Variants in CRYBG2 observed in about 807,000 individuals in gnomAD.
CRYBG2 encodes the protein crystallin beta-gamma domain containing 2.
CRYBG2 carries 106 observed loss-of-function variants against 153.4 expected under a neutral mutation model. The ratio of observed to expected loss-of-function variants is 0.69; its 90% confidence interval spans 0.59 to 0.81. The LOEUF (loss-of-function observed/expected upper bound fraction) is 0.81, where lower values mean the gene tolerates loss of function less well. CRYBG2 is among the 30% of genes least tolerant of loss of function. The pLI is 0.00. For synonymous variants in CRYBG2, 851 were observed against 877.8 expected, an observed-to-expected ratio of 0.97 and a Z score of 0.54; for missense variants, 1,996 against 2,112.0, an observed-to-expected ratio of 0.95 and a Z score of 1.08.
intron 4 of CRYBG2, 30 bp from the exon 5 acceptor site, chr1:26,342,913 A>T: frequency 1.2e-6 from 2 of 1,613,298 alleles, no homozygotes; most frequent in Non-Finnish European, 1.7e-6. Context: ...AGGATCACAG[A>T]TGGGGAGGAG....
At chr1:26,335,881 A>G (rs982783808) in intron 14 of CRYBG2, among the ~76,000 whole-genome samples, 12 of 152,248 alleles carry the variant, frequency 7.9e-5, no homozygotes, top group Non-Finnish European at 1.5e-4. Context: ...AAAATTTAAA[A>G]GAGCACACGG....
chr1:26,346,721 G>C lies in CRYBG2; in HGVS notation c.-55-9C>G. 1 of 1,443,230 alleles carries C rather than the reference G, an allele frequency of 6.9e-7. No individual in the cohort carries two copies. 89.4% of individuals were successfully genotyped at this position (1,443,230 alleles called of 1,614,324 possible). A position where few individuals can be genotyped will look rare whatever the true frequency, so the allele number is the denominator to read the frequency against. On this transcript the variant is annotated splice_polypyrimidine_tract_variant and intron_variant, in intron 1 of 19. Transcript: ENST00000308182. The surrounding 1 kb of genome is among the most constrained non-coding windows in gnomAD (Gnocchi z 4.9). ...CACTGTGGTCCAGCTCCCTGCAGAG[G>C]AATAAGAAAGATGAGGGTCAGAGGG...
chr1:26,345,523 G>A lies in CRYBG2; in HGVS notation c.1135C>T (p.Pro379Ser). The A allele has an allele frequency of 6.3e-7, 1 of 1,599,092 alleles. No homozygotes were observed. The highest frequency in any genetic ancestry group is 8.5e-7 in the Non-Finnish European group (1 of 1,171,482). Reference sequence around the variant, plus strand: ...ACAAGGGGAGTGAGCCGGGCCCCGGGGTGAGTGGGCACCACAGGCTGCTTT... The same window carrying A: ...ACAAGGGGAGTGAGCCGGGCCCCGGAGTGAGTGGGCACCACAGGCTGCTTT... ...PAKQPVVPTH[P>S]GARLTPLVLP... The change falls in exon 2 of 20, where the codon CCC becomes TCC. Residue 379 changes from proline to serine, a missense_variant. By Grantham distance (74) the Pro-to-Ser change is moderately conservative. Transcript: ENST00000308182.
In CRYBG2 at chr1:26,328,481, C is replaced by T. The variant is rs1055899792; in HGVS notation, c.4455-149G>A. 2.8e-5 allele frequency: 36 copies of T among 1,274,776 alleles called. No individual in the cohort carries two copies. In the East Asian group the frequency reaches 3.1e-4, roughly 11 times the overall value. 79.0% of individuals were successfully genotyped at this position (1,274,776 alleles called of 1,614,324 possible). A position where few individuals can be genotyped will look rare whatever the true frequency, so the allele number is the denominator to read the frequency against. ...TCTGCCTGGAATAGGGTTCCCAGGG[C>T]GGAGAGGGAGGCTGGGAAGTAGATT... On this transcript the variant is annotated intron_variant, in intron 16 of 19. Coordinates refer to ENST00000308182, the MANE Select transcript of CRYBG2 (RefSeq NM_001039775.4).
chr1:26,333,218 G>T lies in CRYBG2; in HGVS notation c.4185-1600C>A, dbSNP rs567886148. Among the ~76,000 whole-genome samples the T allele has an allele frequency of 4.3e-4, 66 of 151,918 alleles. 1 individual carries two copies. In the Middle Eastern group the frequency reaches 0.017, roughly 39 times the overall value. On this transcript the variant is annotated intron_variant, in intron 14 of 19. Transcript: ENST00000308182. ...AGGTGGGGCCTTTAGGAGGTAATTC[G>T]GTTTAGAGGGGGTCATGAGGGTGAG...
chr1:26,337,559 G>A lies in CRYBG2; in HGVS notation c.3623C>T (p.Ser1208Phe), dbSNP rs1255193027. The change falls in exon 9 of 20, where the codon TCC becomes TTC. Residue 1208 changes from serine (S) to phenylalanine (F), a missense_variant. Ser to Phe is a radical substitution (Grantham distance 155). Transcript: ENST00000308182. ...TCACCAGCCTCCGAGAACTCTCAGG[G>A]ACCCCACAGAGGCCAGGTGGGGGCT... ...SQSPHLASVGSLRVLGGCWVG... is the reference protein window; with the variant it reads ...SQSPHLASVGFLRVLGGCWVG... 1 of 1,612,650 alleles carries A rather than the reference G, an allele frequency of 6.2e-7. No individual in the cohort carries two copies. Among genetic ancestry groups the A allele is most frequent in the Non-Finnish European group, 8.5e-7 (1 of 1,179,958 alleles).
chr1:26,350,511 GA>G (rs1297074524), intron 1 of CRYBG2, among the ~76,000 whole-genome samples: 2 of 152,194 alleles, frequency 1.3e-5, no homozygotes, highest in Non-Finnish European at 2.9e-5. Flanking sequence ...CCATTTTGCA[GA>G]TGAGATTTTT....
chr1:26,326,624 G>C (rs961504610), intron 17 of CRYBG2: 4 of 213,232 alleles, frequency 1.9e-5, no homozygotes, highest in Non-Finnish European at 4.0e-5. Flanking sequence ...CAAGGATAAA[G>C]TTAAAAAAAA....
At chr1:26,340,596 G>GT (rs1553168215) in intron 5 of CRYBG2, among the ~76,000 whole-genome samples, 60 of 151,966 alleles carry the variant, frequency 3.9e-4, no homozygotes, top group African/African-American at 1.0e-3. Flanking sequence ...GAGAGGCTTT[G>GT]TTTTTTTTGT....
chr1:26,343,230 G>T lies in CRYBG2; in HGVS notation c.2961+16C>A. ...TGCATCCTGCTGCCCCCACCCACTT[G>T]CCCCCACAACCCTACCTTTCCAGGC... On this transcript the variant is annotated intron_variant, in intron 3 of 19. Transcript: ENST00000308182. The surrounding 1 kb of genome is among the most constrained non-coding windows in gnomAD (Gnocchi z 4.1). 6.5e-7 allele frequency: 1 copy of T among 1,549,620 alleles called. No individual in the cohort carries two copies. The highest frequency in any genetic ancestry group is 1.4e-5 in the African/African-American group (1 of 72,750).
chr1:26,353,778 C>A (rs1470581941), intron 1 of CRYBG2, among the ~76,000 whole-genome samples: 2 of 152,186 alleles, frequency 1.3e-5, no homozygotes, highest in Admixed American at 6.5e-5. Flanking sequence ...AGGCAACCCC[C>A]CTTCCTGCCC....
intron 14 of CRYBG2, among the ~76,000 whole-genome samples, chr1:26,334,792 G>A (rs566883260): frequency 6.6e-5 from 10 of 151,816 alleles, no homozygotes; most frequent in South Asian, 4.2e-4. Flanking sequence ...GCGTGGTGGC[G>A]GGTGCCTGTA....
chr1:26,347,779 C>T (rs2074242244), intron 1 of CRYBG2, among the ~76,000 whole-genome samples: 1 of 152,024 alleles, frequency 6.6e-6, no homozygotes, highest in South Asian at 2.1e-4. Context: ...TGTGAGCCAC[C>T]GTGCCCAGCC....
At position 26,343,781 on chromosome 1, in the gene CRYBG2, C is replaced by T. The variant is rs1441416618; in HGVS notation, c.2877G>A (p.Thr959=). The T allele has an allele frequency of 2.9e-5, 42 of 1,450,294 alleles. No individual in the cohort carries two copies. The highest frequency in any genetic ancestry group is 7.5e-5 in the South Asian group (5 of 66,902). 89.8% of individuals were successfully genotyped at this position (1,450,294 alleles called of 1,614,324 possible). A position where few individuals can be genotyped will look rare whatever the true frequency, so the allele number is the denominator to read the frequency against. The stretch of plus-strand genomic sequence containing the variant: ...GGGGCAGGGAACAGGCAAGCTTCTC[C>T]GTTGGGGATGATCTTTCACTGCAAA... ...PLLCSERSSP[T]EKLACSLPLE... The change falls in exon 2 of 20, where the codon ACG becomes ACA. Residue 959 remains threonine, a synonymous_variant. Transcript: ENST00000308182. The surrounding 1 kb of genome is among the most constrained non-coding windows in gnomAD (Gnocchi z 4.1).
At chr1:26,341,991 G>T (rs554819450) in intron 5 of CRYBG2, among the ~76,000 whole-genome samples, 1 of 152,272 alleles carries the variant, frequency 6.6e-6, no homozygotes, top group African/African-American at 2.4e-5. Flanking sequence ...AGCCTAGCTT[G>T]ACTGTAAGTC....
intron 5 of CRYBG2, 150 bp downstream of exon 5, chr1:26,342,604 G>T: frequency 8.8e-7 from 1 of 1,141,518 alleles, no homozygotes; most frequent in Non-Finnish European, 1.2e-6. Context: ...TTCACATGTT[G>T]GCCAGGCTGG....
rs1557709690 is a variant in CRYBG2 at position 26,336,748 on chromosome 1, G to GGC, written c.3912-18_3912-17dup. ...GGCCACCCACCTGCAGGAAGGGCGG[G>GGC]GCGCGAGTCAGCTGGGACGGAGCCT... On this transcript the variant is annotated splice_polypyrimidine_tract_variant and intron_variant, in intron 11 of 19. Transcript: ENST00000308182. The surrounding 1 kb of genome is among the most constrained non-coding windows in gnomAD (Gnocchi z 4.9). 1.3e-6 allele frequency: 2 copies of GGC among 1,580,786 alleles called. No individual in the cohort carries two copies. The highest frequency in any genetic ancestry group is 1.7e-6 in the Non-Finnish European group (2 of 1,163,184).
chr1:26,333,841 T>C (rs1433715170), intron 14 of CRYBG2, among the ~76,000 whole-genome samples: 3 of 152,168 alleles, frequency 2.0e-5, no homozygotes, highest in Non-Finnish European at 4.4e-5. Flanking sequence ...ATTTTAGAGA[T>C]AAAATCTCAC....
intron 1 of CRYBG2, among the ~76,000 whole-genome samples, chr1:26,349,939 C>T (rs890610316): frequency 9.9e-5 from 15 of 151,724 alleles, no homozygotes; most frequent in African/African-American, 3.4e-4. Context: ...CTCAGCCCAC[C>T]GAGTAGCTGG....
Sources: gnomAD v4.1 joint callset for allele counts (sites outside exome capture counted in the v4.1 genomes callset) on GRCh38, gnomAD v4.1.1 for gene constraint, Gnocchi (gnomAD v3.1) non-coding constraint, MANE v1.5 for transcripts, NCBI Gene and HGNC (gene_info 2026-07-23, HGNC 2026-07-21) for gene names.